The following LRRC8D variants were observed in gnomAD, a reference collection of about 807,000 sequenced individuals.
The protein encoded by LRRC8D is volume-regulated anion channel subunit LRRC8D.
In LRRC8D, 20 loss-of-function variants were observed where a neutral mutation model predicts 55.8. The ratio of observed to expected loss-of-function variants is 0.36; its 90% CI spans 0.25 to 0.52. The LOEUF (loss-of-function observed/expected upper bound fraction) is 0.52. Ranked by LOEUF, LRRC8D falls within the 20% of genes least tolerant of loss-of-function variation. The pLI is 0.93. For missense variants in LRRC8D, 651 were observed against 1,030.8 expected, an observed-to-expected ratio of 0.63 and a Z score of 5.05; for synonymous variants, 352 against 377.0, an observed-to-expected ratio of 0.93 and a Z score of 0.77.
chr1:89,855,630 C>T (rs1379368726), intron 2 of LRRC8D, among the ~76,000 whole-genome samples: 1 of 152,188 alleles, frequency 6.6e-6, no homozygotes. Context: ...TTTAAAAATG[C>T]ACCCTTTTAG....
intron 1 of LRRC8D, among the ~76,000 whole-genome samples, chr1:89,832,541 T>C (rs2100712948): frequency 6.6e-6 from 1 of 152,364 alleles, no homozygotes; most frequent in South Asian, 2.1e-4. Context: ...GTTACTTTAG[T>C]GCAGTAAGGA....
rs533250043 is a variant in LRRC8D at position 89,892,663 on chromosome 1, C to T, written c.-2-40404C>T. ...CCTCCTGAGTAGCTGGGGCTATAGG[C>T]GCCCGCCAACACGCCCAGCTAATTT... On this transcript the variant is annotated intron_variant, in intron 2 of 2. Transcript: ENST00000337338. Among the ~76,000 whole-genome samples, 19 of 152,284 alleles carry T rather than the reference C, an allele frequency of 1.2e-4. No homozygotes were observed. In the East Asian group the frequency reaches 2.7e-3, roughly 22 times the overall value.
chr1:89,882,498 T>C (rs1406613814), intron 2 of LRRC8D, among the ~76,000 whole-genome samples: 1 of 152,206 alleles, frequency 6.6e-6, no homozygotes, highest in African/African-American at 2.4e-5. Flanking sequence ...AGATGGTAAA[T>C]GCTGTGGGAG....
chr1:89,889,961 G>T (rs1436710062), intron 2 of LRRC8D, among the ~76,000 whole-genome samples: 1 of 152,308 alleles, frequency 6.6e-6, no homozygotes, highest in East Asian at 1.9e-4. Context: ...GCCGAGGTGG[G>T]TGGATCACGA....
At chr1:89,838,809 A>C (rs1661064803) in intron 1 of LRRC8D, among the ~76,000 whole-genome samples, 1 of 152,198 alleles carries the variant, frequency 6.6e-6, no homozygotes, top group African/African-American at 2.4e-5. Context: ...GATCAGTCTT[A>C]TTATTTTATA....
At position 89,933,765 on chromosome 1, in the gene LRRC8D, A is replaced by G. The variant is rs758951548; in HGVS notation, c.697A>G (p.Thr233Ala). Reference protein sequence around the residue: ...ENKQRITGAQTLPKHVSTSSD... With the variant: ...ENKQRITGAQALPKHVSTSSD... ...CAAGCAGAGAATAACAGGTGCCCAGACTCTACCAAAGCATGTTTCTACCAG... is the reference window on the plus strand; with the variant it reads ...CAAGCAGAGAATAACAGGTGCCCAGGCTCTACCAAAGCATGTTTCTACCAG... The change falls in exon 3 of 3, where the codon ACT becomes GCT. Residue 233 changes from threonine (T) to alanine (A), a missense_variant. Thr to Ala is a moderately conservative substitution (Grantham distance 58, BLOSUM62 0). This residue lies in a region of LRRC8D where 178 missense variants were observed against 374.9 expected (regional missense o/e 0.47). Coordinates refer to ENST00000337338, the MANE Select transcript of LRRC8D (RefSeq NM_001134479.2). This position sits in a 1 kb window ranked among gnomAD's most constrained non-coding sequence, Gnocchi z 7.0. 3.7e-6 allele frequency: 6 copies of G among 1,614,032 alleles called. No individual in the cohort carries two copies. Among genetic ancestry groups the G allele is most frequent in the Non-Finnish European group, 5.1e-6 (6 of 1,179,968 alleles).
chr1:89,900,610 TG>T (rs1294485126), intron 2 of LRRC8D, among the ~76,000 whole-genome samples: 11 of 152,194 alleles, frequency 7.2e-5, no homozygotes, highest in Non-Finnish European at 1.6e-4. Flanking sequence ...TGGCACTTAC[TG>T]GAAGTATCTC....
intron 2 of LRRC8D, among the ~76,000 whole-genome samples, chr1:89,847,280 C>T (rs1258049866): frequency 3.3e-5 from 5 of 152,112 alleles, no homozygotes; most frequent in Admixed American, 1.3e-4. Context: ...TTTGTCTTCT[C>T]TTCAATAATT....
intron 2 of LRRC8D, among the ~76,000 whole-genome samples, chr1:89,865,789 T>C (rs1661827096): frequency 6.6e-6 from 1 of 152,208 alleles, no homozygotes; most frequent in African/African-American, 2.4e-5. Flanking sequence ...CATTTCAGAA[T>C]TACTGACATC....
At chr1:89,878,520 A>T (rs772494637) in intron 2 of LRRC8D, among the ~76,000 whole-genome samples, 2 of 152,200 alleles carry the variant, frequency 1.3e-5, no homozygotes, top group Non-Finnish European at 2.9e-5. Context: ...TGTATCTGAG[A>T]TGCATTGAAC....
intron 2 of LRRC8D, among the ~76,000 whole-genome samples, chr1:89,886,757 C>G (rs1435238769): frequency 1.3e-5 from 2 of 152,078 alleles, no homozygotes; most frequent in African/African-American, 4.8e-5. Context: ...AAGAAAACTG[C>G]AAATTTATTC....
chr1:89,885,652 G>A (rs991328333), intron 2 of LRRC8D, among the ~76,000 whole-genome samples: 12 of 152,162 alleles, frequency 7.9e-5, no homozygotes, highest in African/African-American at 2.9e-4. Context: ...TATCTGTCTG[G>A]ACCCATCAGA....
At chr1:89,858,866 T>C (rs2100787687) in intron 2 of LRRC8D, among the ~76,000 whole-genome samples, 1 of 152,250 alleles carries the variant, frequency 6.6e-6, no homozygotes, top group South Asian at 2.1e-4. Flanking sequence ...AGACAAGAAA[T>C]GAAGTCATAG....
chr1:89,920,697 GAAAA>G (rs555845776), intron 2 of LRRC8D, among the ~76,000 whole-genome samples: 47 of 113,238 alleles, frequency 4.2e-4, no homozygotes, highest in African/African-American at 1.4e-3. Flanking sequence ...GGCCTATTGG[GAAAA>G]AAAAAAAAAA....
At chr1:89,916,359 CATTT>C (rs745822378) in intron 2 of LRRC8D, among the ~76,000 whole-genome samples, 10 of 152,170 alleles carry the variant, frequency 6.6e-5, no homozygotes, top group Non-Finnish European at 1.2e-4. Context: ...GTGAATAAAA[CATTT>C]GTTTGTTTTA....
chr1:89,888,388 G>A (rs1456976569), intron 2 of LRRC8D, among the ~76,000 whole-genome samples: 1 of 152,190 alleles, frequency 6.6e-6, no homozygotes, highest in Non-Finnish European at 1.5e-5. Context: ...AAGCAAGGAG[G>A]GAAATGATCC....
At chr1:89,932,742 T>C (rs1313146871) in intron 2 of LRRC8D, among the ~76,000 whole-genome samples, 1 of 152,228 alleles carries the variant, frequency 6.6e-6, no homozygotes, top group Non-Finnish European at 1.5e-5. Context: ...AATTTCAGTC[T>C]TAACCTTTAA....
intron 2 of LRRC8D, among the ~76,000 whole-genome samples, chr1:89,919,452 C>A (rs1348319623): frequency 6.6e-6 from 1 of 152,146 alleles, no homozygotes; most frequent in Non-Finnish European, 1.5e-5. Flanking sequence ...GCTTGGGTGT[C>A]AGGGATATGC....
intron 2 of LRRC8D, among the ~76,000 whole-genome samples, chr1:89,880,236 A>G (rs894780051): frequency 4.0e-5 from 6 of 150,392 alleles, no homozygotes; most frequent in Admixed American, 3.3e-4. Context: ...AGGGAACTGC[A>G]TACGAGATGA....
Sources: allele counts gnomAD v4.1 joint callset (sites outside exome capture counted in the v4.1 genomes callset), GRCh38; gene constraint gnomAD v4.1.1; regional missense constraint gnomAD v4.1.1; non-coding constraint Gnocchi (gnomAD v3.1); transcripts MANE v1.5; gene names NCBI Gene and HGNC (gene_info 2026-07-23, HGNC 2026-07-21).